RHOBTB3: variants seen among roughly 807,000 people sequenced by gnomAD.
RHOBTB3 encodes the protein Rho related BTB domain containing 3, also known as rho-related BTB domain-containing protein 3.
A neutral mutation model predicts 67.2 loss-of-function variants in RHOBTB3; 47 were observed. The ratio of observed to expected loss-of-function variants is 0.70; its 90% confidence interval spans 0.55 to 0.89. The LOEUF (loss-of-function observed/expected upper bound fraction) is 0.89, where lower values mean the gene tolerates loss of function less well. Ranked by LOEUF, RHOBTB3 falls within the 40% of genes least tolerant of loss-of-function variation. RHOBTB3 has a pLI of 0.00. For synonymous variants in RHOBTB3, 273 were observed against 274.2 expected, an observed-to-expected ratio of 1.00 and a Z score of 0.04; for missense variants, 631 against 750.0, an observed-to-expected ratio of 0.84 and a Z score of 1.85.
intron 8 of RHOBTB3, among the ~76,000 whole-genome samples, chr5:95,773,290 T>A (rs1336947863): frequency 6.6e-6 from 1 of 152,166 alleles, no homozygotes; most frequent in African/African-American, 2.4e-5. Flanking sequence ...GTGCTGATGA[T>A]GTGCAGCAAC....
Position 95,766,596 on chromosome 5 carries a change from T to TAAA in RHOBTB3, c.1162-1435_1162-1433dup, listed in dbSNP as rs534051950. Reference sequence around the variant, plus strand: ...TATCCACTGTAAATAGACTAAAATTTAAAAAAAAAAAAAAAAAGAGAAAGA... The same window carrying TAAA: ...TATCCACTGTAAATAGACTAAAATTTAAAAAAAAAAAAAAAAAAAAGAGAAAGA... On this transcript the variant is annotated intron_variant, in intron 7 of 11. Coordinates refer to ENST00000379982, the MANE Select transcript of RHOBTB3 (RefSeq NM_014899.4). Among the ~76,000 whole-genome samples, 98 of 115,848 alleles carry TAAA rather than the reference T, an allele frequency of 8.5e-4. No individual in the cohort carries two copies. The Middle Eastern group carries it at 0.013, about 15-fold the overall frequency. 76.0% of individuals were successfully genotyped at this position (115,848 alleles called of 152,430 possible).
chr5:95,767,726 G>A lies in RHOBTB3; in HGVS notation c.1162-320G>A, dbSNP rs572627840. On this transcript the variant is annotated intron_variant, in intron 7 of 11. Transcript: ENST00000379982. ...ATATTTTAGTAGGCATTTGTATGGA[G>A]TTGGACTACTGTTGTCTGTTTCTCA... The A allele has an allele frequency of 5.9e-6, 4 of 672,808 alleles. No individual in the cohort carries two copies. The East Asian group carries it at 1.1e-4, about 18-fold the overall frequency. The allele number at this position is 672,808 out of a possible 1,614,324, so 41.7% of individuals were successfully genotyped here. A position where few individuals can be genotyped will look rare whatever the true frequency, so the allele number is the denominator to read the frequency against.
At chr5:95,732,352 A>G in intron 2 of RHOBTB3, 1 of 587,040 alleles carries the variant, frequency 1.7e-6, no homozygotes, top group South Asian at 2.2e-5. Flanking sequence ...GACCCTTGGT[A>G]GGCAGCAGAC....
intron 8 of RHOBTB3, chr5:95,769,803 A>T (rs116159974): frequency 0.011 from 2,391 of 214,616 alleles, 62 homozygotes; most frequent in African/African-American, 0.052. Flanking sequence ...TGCCCAGTCT[A>T]TTGTACCTAC....
chr5:95,743,615 G>C (rs768400916), intron 3 of RHOBTB3, among the ~76,000 whole-genome samples: 2 of 150,870 alleles, frequency 1.3e-5, no homozygotes, highest in African/African-American at 4.9e-5. Flanking sequence ...AGTCCTTCCT[G>C]CCTCCCTCCC....
intron 10 of RHOBTB3, among the ~76,000 whole-genome samples, chr5:95,786,172 C>T (rs1477235189): frequency 6.6e-6 from 1 of 152,124 alleles, no homozygotes; most frequent in African/African-American, 2.4e-5. Flanking sequence ...AGTTTTCTTC[C>T]CAAGTTTTCT....
chr5:95,729,464 A>T (rs534396276), upstream of RHOBTB3, among the ~76,000 whole-genome samples: 15 of 152,248 alleles, frequency 9.9e-5, no homozygotes, highest in Admixed American at 3.3e-4. Context: ...TTTTGTATTA[A>T]TATTTTTATA....
chr5:95,770,177 G>A (rs893415899), intron 8 of RHOBTB3: 54 of 253,524 alleles, frequency 2.1e-4, no homozygotes, highest in Admixed American at 1.5e-3. Context: ...AAAGGGAAAA[G>A]TGAATGAATG....
chr5:95,741,067 G>A lies in RHOBTB3; in HGVS notation c.415+3992G>A, dbSNP rs111241299. Among the ~76,000 whole-genome samples the A allele has an allele frequency of 1.7e-4, 26 of 152,140 alleles. 1 individual carries two copies. The highest frequency in any genetic ancestry group is 5.5e-4 in the African/African-American group (23 of 41,524). On this transcript the variant is annotated intron_variant, in intron 3 of 11. Transcript: ENST00000379982. ...AATCTGGCCAGGCGCAGTGGCTCAC[G>A]CCTGTAATCCCAGCACTTTGGGAGG...
At chr5:95,765,952 G>A (rs947151210) in intron 7 of RHOBTB3, among the ~76,000 whole-genome samples, 27 of 152,220 alleles carry the variant, frequency 1.8e-4, no homozygotes, top group African/African-American at 6.0e-4. Context: ...ATGAGCCACC[G>A]TGCCCAGCCC....
intron 8 of RHOBTB3, chr5:95,780,047 T>G (rs922189384): frequency 4.0e-5 from 19 of 471,870 alleles, no homozygotes; most frequent in African/African-American, 3.1e-4. Context: ...AAATTGTTGG[T>G]TTCAAGGTCA....
intron 1 of RHOBTB3, among the ~76,000 whole-genome samples, chr5:95,725,307 A>G (rs1755021819): frequency 1.3e-5 from 2 of 152,262 alleles, no homozygotes; most frequent in Admixed American, 6.5e-5. Flanking sequence ...AAATACCTAC[A>G]GTGTGATCCC....
intron 3 of RHOBTB3, among the ~76,000 whole-genome samples, chr5:95,739,886 A>G (rs1328991433): frequency 6.6e-6 from 1 of 152,064 alleles, no homozygotes; most frequent in Non-Finnish European, 1.5e-5. Context: ...AACTTTTCTT[A>G]TGTTTTTTGG....
intron 6 of RHOBTB3, among the ~76,000 whole-genome samples, chr5:95,760,146 C>T (rs1424165089): frequency 6.6e-6 from 1 of 152,132 alleles, no homozygotes; most frequent in Non-Finnish European, 1.5e-5. Context: ...ATTTTTGATT[C>T]AGTAGACACA....
In RHOBTB3 at chr5:95,754,423, AG is replaced by A. The variant is rs552362255; in HGVS notation, c.683-970del. On this transcript the variant is annotated intron_variant, in intron 5 of 11. Transcript: ENST00000379982. Reference sequence around the variant, plus strand: ...AGGAGGGTGGACTGGAATACAGTGCAGGGAGAGCCTGGCCTCCAAAGGACTT... The same window carrying A: ...AGGAGGGTGGACTGGAATACAGTGCAGGAGAGCCTGGCCTCCAAAGGACTT... Among the ~76,000 whole-genome samples the A allele has an allele frequency of 9.8e-5, 15 of 152,330 alleles. No individual in the cohort carries two copies. The East Asian group carries it at 2.9e-3, about 29-fold the overall frequency.
chr5:95,723,949 A>G (rs1754971845), intron 1 of RHOBTB3, among the ~76,000 whole-genome samples: 2 of 152,242 alleles, frequency 1.3e-5, no homozygotes, highest in South Asian at 4.1e-4. Context: ...CTAAGAATAC[A>G]ATAAAACACA....
At chr5:95,727,144 A>AT (rs796132102), upstream of RHOBTB3, among the ~76,000 whole-genome samples, 1 of 152,120 alleles carries the variant, frequency 6.6e-6, no homozygotes, top group Non-Finnish European at 1.5e-5. Flanking sequence ...AAACTTTAAT[A>AT]TTTTTTTAAA....
At chr5:95,768,878 C>T in intron 8 of RHOBTB3, 1 of 159,346 alleles carries the variant, frequency 6.3e-6, no homozygotes, top group Non-Finnish European at 1.4e-5. Flanking sequence ...CACAAGGTGC[C>T]ACCAGGTGGG....
At chr5:95,748,232 C>T (rs571040683) in intron 3 of RHOBTB3, 101 bp from the exon 4 acceptor site, 7 of 765,766 alleles carry the variant, frequency 9.1e-6, no homozygotes, top group Middle Eastern at 3.2e-4. Flanking sequence ...TGAACTGTGG[C>T]TCTAGTATGA....
Sources: allele counts gnomAD v4.1 joint callset (sites outside exome capture counted in the v4.1 genomes callset), GRCh38; gene constraint gnomAD v4.1.1; transcripts MANE v1.5; gene names NCBI Gene and HGNC (gene_info 2026-07-23, HGNC 2026-07-21).